The following SIPA1L3 variants were observed in gnomAD, a reference collection of about 807,000 sequenced individuals.
SIPA1L3 encodes signal induced proliferation associated 1 like 3.
Under a neutral mutation model 150.1 loss-of-function variants are expected in SIPA1L3, and 59 were observed. The ratio of observed to expected loss-of-function variants is 0.39; its 90% CI spans 0.32 to 0.49. The LOEUF is 0.49. Among genes scored for constraint, SIPA1L3 ranks in the 20% least tolerant of loss-of-function variants. The pLI is 0.86. For missense variants in SIPA1L3, 2,211 were observed against 2,489.5 expected, an observed-to-expected ratio of 0.89 and a Z score of 2.38; for synonymous variants, 1,070 against 1,077.6, an observed-to-expected ratio of 0.99 and a Z score of 0.14.
intron 15 of SIPA1L3, among the ~76,000 whole-genome samples, chr19:38,165,821 G>A (rs1370795715): frequency 6.6e-6 from 1 of 152,194 alleles, no homozygotes; most frequent in African/African-American, 2.4e-5. Context: ...GAGTGCAGTG[G>A]TGCGGTCTCA....
chr19:38,176,388 T>C (rs1013873125), intron 15 of SIPA1L3, among the ~76,000 whole-genome samples: 2 of 151,970 alleles, frequency 1.3e-5, no homozygotes, highest in Non-Finnish European at 2.9e-5. Flanking sequence ...TTTTTTGTTT[T>C]TTTTATTTGC....
At chr19:38,059,970 T>C (rs1035062416) in intron 2 of SIPA1L3, among the ~76,000 whole-genome samples, 6 of 152,208 alleles carry the variant, frequency 3.9e-5, no homozygotes, top group African/African-American at 1.4e-4. Flanking sequence ...AGACGAGGTT[T>C]TGCCATGTTG....
At chr19:38,111,742 G>T (rs1172919396) in intron 8 of SIPA1L3, among the ~76,000 whole-genome samples, 1 of 152,200 alleles carries the variant, frequency 6.6e-6, no homozygotes, top group South Asian at 2.1e-4. Context: ...CATGTCCCTG[G>T]ACCTGAGGCC....
chr19:37,960,333 G>A (rs1406224715), intron 1 of SIPA1L3, among the ~76,000 whole-genome samples: 2 of 151,838 alleles, frequency 1.3e-5, no homozygotes, highest in Non-Finnish European at 2.9e-5. Context: ...AACCTACTGT[G>A]TTCAAGCGAT....
intron 9 of SIPA1L3, among the ~76,000 whole-genome samples, chr19:38,120,696 C>G (rs1400669793): frequency 6.6e-6 from 1 of 152,168 alleles, no homozygotes; most frequent in Non-Finnish European, 1.5e-5. Flanking sequence ...GACTCACAGT[C>G]TAGGTAGAAA....
chr19:37,915,523 A>C (rs2046408025), intron 1 of SIPA1L3, among the ~76,000 whole-genome samples: 1 of 151,766 alleles, frequency 6.6e-6, no homozygotes, highest in African/African-American at 2.4e-5. Flanking sequence ...CTGGAGTTAC[A>C]GGCGCCCACC....
At chr19:38,079,623 C>T (rs1489949020) in intron 2 of SIPA1L3, among the ~76,000 whole-genome samples, 2 of 149,274 alleles carry the variant, frequency 1.3e-5, no homozygotes, top group African/African-American at 2.5e-5. Context: ...GTGGTGTGAT[C>T]GTGGCTCATG....
chr19:37,956,322 A>G (rs1366388427), intron 1 of SIPA1L3, among the ~76,000 whole-genome samples: 2 of 152,054 alleles, frequency 1.3e-5, no homozygotes, highest in African/African-American at 4.8e-5. Context: ...TTGGTGAAAT[A>G]TGTATTTGTA....
intron 12 of SIPA1L3, among the ~76,000 whole-genome samples, chr19:38,147,801 C>T (rs1283458269): frequency 6.6e-6 from 1 of 152,056 alleles, no homozygotes; most frequent in Non-Finnish European, 1.5e-5. Flanking sequence ...GTTTAATTGC[C>T]CTCATTTTAC....
chr19:37,999,011 ACC>A (rs1555775383), intron 1 of SIPA1L3, among the ~76,000 whole-genome samples: 12 of 144,560 alleles, frequency 8.3e-5, no homozygotes, highest in South Asian at 2.3e-4. Flanking sequence ...ACACACACAC[ACC>A]CACACACACA....
At chr19:38,063,852 C>G (rs1477077489) in intron 2 of SIPA1L3, among the ~76,000 whole-genome samples, 2 of 152,224 alleles carry the variant, frequency 1.3e-5, no homozygotes, top group Admixed American at 6.5e-5. Flanking sequence ...CTAAAAGAAG[C>G]AGCACAGCCA....
intron 2 of SIPA1L3, among the ~76,000 whole-genome samples, chr19:38,064,312 G>A (rs1969519444): frequency 6.6e-6 from 1 of 152,206 alleles, no homozygotes; most frequent in Admixed American, 6.5e-5. Context: ...AGCCACCCTG[G>A]GCTGTCTGGC....
At chr19:38,001,189 T>TA (rs1183956651) in intron 1 of SIPA1L3, among the ~76,000 whole-genome samples, 1 of 151,878 alleles carries the variant, frequency 6.6e-6, no homozygotes, top group African/African-American at 2.4e-5. Flanking sequence ...GCTCTCTGCT[T>TA]AATGTTTGAG....
At position 37,968,013 on chromosome 19, in the gene SIPA1L3, G is replaced by C. The variant is rs1269601840; in HGVS notation, c.-379+60655G>C. On this transcript the variant is annotated intron_variant, in intron 1 of 21. Transcript: ENST00000222345. ...CCTTTAGCTCAGTTCCTGTCACATA[G>C]TAAGTGCTCAGTAAATGTTAGTTTC... Among the ~76,000 whole-genome samples the C allele has an allele frequency of 2.8e-5, 4 of 142,660 alleles. No homozygotes were observed. In the East Asian group the frequency reaches 9.9e-4, roughly 35 times the overall value. The allele number at this position is 142,660 out of a possible 152,430, so 93.6% of individuals were successfully genotyped here.
At chr19:37,912,746 C>T (rs143349552) in intron 1 of SIPA1L3, among the ~76,000 whole-genome samples, 280 of 152,338 alleles carry the variant, frequency 1.8e-3, no homozygotes, top group African/African-American at 6.3e-3. Flanking sequence ...ATCCTCCCGC[C>T]TCAGCCTACA....
In SIPA1L3 at chr19:38,082,739, C is replaced by G. The variant is rs779912842; in HGVS notation, c.1174C>G (p.Leu392Val). The G allele has an allele frequency of 2.5e-6, 4 of 1,612,610 alleles. No homozygotes were observed. In the South Asian group the frequency reaches 4.4e-5, roughly 18 times the overall value. Residue 392 changes from leucine to valine, a missense_variant, in exon 3 of 22, where the codon CTC becomes GTC. This residue lies in a region of SIPA1L3 where 587 missense variants were observed against 534.5 expected (regional missense o/e 1.10). Coordinates refer to ENST00000222345, the MANE Select transcript of SIPA1L3 (RefSeq NM_015073.3). Reference protein sequence around the residue: ...ASLTASRAHSLGGLDPAFTST... With the variant: ...ASLTASRAHSVGGLDPAFTST... ...CCTCACGGCCTCGCGGGCCCACAGC[C>G]TCGGAGGCCTGGACCCGGCCTTCAC...
chr19:38,058,385 C>T (rs1049127381), intron 2 of SIPA1L3, among the ~76,000 whole-genome samples: 1 of 152,078 alleles, frequency 6.6e-6, no homozygotes, highest in African/African-American at 2.4e-5. Context: ...TTCCCACACA[C>T]CTCTCCCCAC....
chr19:38,109,039 C>T (rs1970683207), intron 7 of SIPA1L3, among the ~76,000 whole-genome samples: 1 of 152,004 alleles, frequency 6.6e-6, no homozygotes, highest in Non-Finnish European at 1.5e-5. Flanking sequence ...AGCAAATAAG[C>T]CAAACACTGT....
intron 18 of SIPA1L3, among the ~76,000 whole-genome samples, chr19:38,196,466 G>GGTCAAGGGCGGAGTGTGGAT (rs1166477617): frequency 6.6e-6 from 1 of 150,662 alleles, no homozygotes; most frequent in East Asian, 2.0e-4. Context: ...GGAGTGTGGA[G>GGTCAAGGGCGGAGTGTGGAT]GTCAAGGGCA....
Sources: gnomAD v4.1 joint callset for allele counts (sites outside exome capture counted in the v4.1 genomes callset) on GRCh38, gnomAD v4.1.1 for gene constraint, gnomAD v4.1.1 regional missense constraint, MANE v1.5 for transcripts, NCBI Gene and HGNC (gene_info 2026-07-23, HGNC 2026-07-21) for gene names.